The following SLK variants were observed in gnomAD, a reference collection of about 807,000 sequenced individuals.
SLK encodes STE20-like serine/threonine-protein kinase.
SLK carries 67 observed loss-of-function variants against 147.7 expected under a neutral mutation model. That is an observed-to-expected ratio of 0.45 (90% confidence interval 0.37 to 0.56). SLK has a LOEUF of 0.56. Among genes scored for constraint, SLK ranks in the 20% least tolerant of loss-of-function variants. The probability of loss-of-function intolerance (pLI) is 0.00; values close to 1 mark genes in which losing one functional copy is unlikely to be tolerated. For synonymous variants in SLK, 441 were observed against 475.0 expected, an observed-to-expected ratio of 0.93 and a Z score of 0.93; for missense variants, 1,136 against 1,438.8, an observed-to-expected ratio of 0.79 and a Z score of 3.41.
At chr10:103,968,991 G>T (rs1843757231) in intron 1 of SLK, among the ~76,000 whole-genome samples, 1 of 151,152 alleles carries the variant, frequency 6.6e-6, no homozygotes, top group African/African-American at 2.4e-5. Context: ...TTTTTGAGAC[G>T]GAGTTTCGCC....
At chr10:104,019,656 A>C in intron 15 of SLK, 78 bp from the exon 16 acceptor site, 1 of 1,106,532 alleles carries the variant, frequency 9.0e-7, no homozygotes, top group Non-Finnish European at 1.4e-6. Flanking sequence ...CAACAATAAC[A>C]AAATGACATA....
At position 103,992,924 on chromosome 10, in the gene SLK, CCTG is replaced by C; in HGVS notation, c.365-57_365-55del. 15 of 1,247,174 alleles carry C rather than the reference CCTG, an allele frequency of 1.2e-5. No homozygotes were observed. In the South Asian group the frequency reaches 1.8e-4, roughly 15 times the overall value. 77.3% of individuals were successfully genotyped at this position (1,247,174 alleles called of 1,614,324 possible). ...ATGATATATACAGAAAGGTATATAG[CCTG>C]CTAATATGTTTTCACTGTATAAAAA... On this transcript the variant is annotated intron_variant, in intron 3 of 18. Transcript: ENST00000369755.
intron 7 of SLK, among the ~76,000 whole-genome samples, chr10:104,000,393 T>G (rs992429232): frequency 1.3e-5 from 2 of 152,188 alleles, no homozygotes; most frequent in African/African-American, 4.8e-5. Context: ...ATTTTATAGG[T>G]GGGCAAATAA....
chr10:104,023,395 G>T (rs1163708728), intron 18 of SLK, among the ~76,000 whole-genome samples: 4 of 152,296 alleles, frequency 2.6e-5, no homozygotes, highest in African/African-American at 9.6e-5. Flanking sequence ...TGTGTGTTCA[G>T]ATCTCAGTAC....
In SLK at chr10:104,018,817, G is replaced by A. The variant is rs575424335; in HGVS notation, c.3041G>A (p.Arg1014Gln). 1.1e-5 allele frequency: 18 copies of A among 1,612,704 alleles called. No individual in the cohort carries two copies. In the South Asian group the frequency reaches 1.2e-4, roughly 11 times the overall value. The change falls in exon 15 of 19, where the codon CGA (arginine) becomes CAA (glutamine). Residue 1014 changes from arginine to glutamine, a missense_variant. This residue lies in a region of SLK where 327 missense variants were observed against 457.5 expected (regional missense o/e 0.71). Transcript: ENST00000369755. ...REAAIWELEE[R>Q]HLQEKHQLLK... ...GCTGCAATTTGGGAGCTCGAAGAACGACACTTACAAGAAAAACACCAGCTG... is the reference window on the plus strand; with the variant it reads ...GCTGCAATTTGGGAGCTCGAAGAACAACACTTACAAGAAAAACACCAGCTG...
chr10:104,025,056 C>T (rs552867119), intron 18 of SLK, among the ~76,000 whole-genome samples: 1 of 152,264 alleles, frequency 6.6e-6, no homozygotes, highest in East Asian at 1.9e-4. Flanking sequence ...ATTTCTCAAG[C>T]ACTTATTTTT....
At chr10:104,023,483 C>T (rs982406762) in intron 18 of SLK, among the ~76,000 whole-genome samples, 1 of 152,162 alleles carries the variant, frequency 6.6e-6, no homozygotes, top group Admixed American at 6.5e-5. Flanking sequence ...AGTGATACTA[C>T]CTATTTGGTG....
At chr10:104,020,845 G>A (rs920467575) in intron 17 of SLK, among the ~76,000 whole-genome samples, 3 of 152,122 alleles carry the variant, frequency 2.0e-5, no homozygotes, top group African/African-American at 7.2e-5. Flanking sequence ...TGTAACCTAC[G>A]AAATTGAGTC....
intron 11 of SLK, among the ~76,000 whole-genome samples, chr10:104,006,307 T>C (rs527320128): frequency 3.3e-5 from 5 of 152,322 alleles, no homozygotes; most frequent in East Asian, 1.9e-4. Flanking sequence ...TGAAAACTTA[T>C]GAAGCCAGTA....
At chr10:103,990,405 G>A (rs938452218) in intron 1 of SLK, among the ~76,000 whole-genome samples, 3 of 152,066 alleles carry the variant, frequency 2.0e-5, no homozygotes, top group Admixed American at 6.6e-5. Flanking sequence ...TTGATGGGGG[G>A]GTGGTTATGC....
intron 3 of SLK, 92 bp downstream of exon 3, chr10:103,992,738 TAA>T: frequency 8.2e-7 from 1 of 1,219,246 alleles, no homozygotes; most frequent in Non-Finnish European, 1.1e-6. Flanking sequence ...TTCAAATATG[TAA>T]GTATCGAGTA....
chr10:103,985,740 A>G (rs1362115565), intron 1 of SLK, among the ~76,000 whole-genome samples: 1 of 152,212 alleles, frequency 6.6e-6, no homozygotes, highest in Non-Finnish European at 1.5e-5. Flanking sequence ...ATGAAATACT[A>G]TATAATGTTA....
chr10:104,001,698 G>A, intron 8 of SLK, 126 bp downstream of exon 8: 2 of 1,000,342 alleles, frequency 2.0e-6, no homozygotes, highest in South Asian at 3.2e-5. Flanking sequence ...AAGATTAGTA[G>A]CAAGGTTGCT....
chr10:103,999,148 C>T lies in SLK; in HGVS notation c.617C>T (p.Thr206Ile). 6.2e-7 allele frequency: 1 copy of T among 1,609,354 alleles called. No homozygotes were observed. Among genetic ancestry groups the T allele is most frequent in the Non-Finnish European group, 8.5e-7 (1 of 1,178,376 alleles). The change falls in exon 6 of 19, where the codon ACA becomes ATA. Residue 206 changes from threonine to isoleucine, a missense_variant. Coordinates refer to ENST00000369755, the MANE Select transcript of SLK (RefSeq NM_014720.4). ...WMAPEVVMCETSKDRPYDYKA... is the reference protein window; with the variant it reads ...WMAPEVVMCEISKDRPYDYKA... The stretch of plus-strand genomic sequence containing the variant: ...GCTCCTGAAGTAGTCATGTGTGAAA[C>T]ATCTAAGGACAGACCCTATGACTAC...
At chr10:103,992,928 C>A in intron 3 of SLK, 56 bp from the exon 4 acceptor site, 1 of 1,305,260 alleles carries the variant, frequency 7.7e-7, no homozygotes. Flanking sequence ...ATATAGCCTG[C>A]TAATATGTTT....
Position 104,026,267 on chromosome 10 carries a change from T to C in SLK, c.*547T>C, listed in dbSNP as rs563147166. The C allele has an allele frequency of 6.5e-6, 1 of 152,774 alleles. No homozygotes were observed. The highest frequency in any genetic ancestry group is 6.5e-5 in the Admixed American group (1 of 15,300). 9.5% of individuals were successfully genotyped at this position (152,774 alleles called of 1,614,324 possible). ...ACCTCTTTTAAAAGAGAAAAATTAT[T>C]TCAGTGATTTGTCAAAACGAATTAC... On this transcript the variant is annotated 3_prime_UTR_variant, in exon 19 of 19. Coordinates refer to ENST00000369755, the MANE Select transcript of SLK (RefSeq NM_014720.4).
In SLK at chr10:104,027,713, T is replaced by C. The variant is rs1402185554; in HGVS notation, c.*1993T>C. 1.3e-5 allele frequency: 2 copies of C among 152,218 alleles called. No homozygotes were observed. Among genetic ancestry groups the C allele is most frequent in the African/African-American group, 2.4e-5 (1 of 41,446 alleles). The allele number at this position is 152,218 out of a possible 1,614,324, so 9.4% of individuals were successfully genotyped here. ...TACCTCAGGCAGTAGACATTTTTTT[T>C]CTAGTATCATTTAATTGATACCCTG... On this transcript the variant is annotated 3_prime_UTR_variant, in exon 19 of 19. Coordinates refer to ENST00000369755, the MANE Select transcript of SLK (RefSeq NM_014720.4).
In SLK at chr10:104,008,345, C is replaced by T; in HGVS notation, c.2773C>T (p.Arg925Ter). The change falls in exon 12 of 19, where the codon CGA becomes TGA. Residue 925 changes from arginine (R) to a stop codon, truncating the protein, a stop_gained. Transcript: ENST00000369755. LOFTEE classifies it high-confidence loss of function. ...CAAATTTCAGAATATGCTGAAGAAC[C>T]GAAAGAAGGAGGTAAGTGTAAACTA... ...LSKFQNMLKN[R>*]KKEVINEVEK... The T allele has an allele frequency of 1.2e-6, 2 of 1,603,878 alleles. No individual in the cohort carries two copies. Among genetic ancestry groups the T allele is most frequent in the Non-Finnish European group, 1.7e-6 (2 of 1,175,820 alleles).
chr10:103,981,569 A>G (rs1355172506), intron 1 of SLK, among the ~76,000 whole-genome samples: 1 of 152,056 alleles, frequency 6.6e-6, no homozygotes, highest in Non-Finnish European at 1.5e-5. Context: ...ACATGTGGAT[A>G]TTCAGATTTC....
Sources: allele counts gnomAD v4.1 joint callset (sites outside exome capture counted in the v4.1 genomes callset), GRCh38; gene constraint gnomAD v4.1.1; regional missense constraint gnomAD v4.1.1; transcripts MANE v1.5; gene names NCBI Gene and HGNC (gene_info 2026-07-23, HGNC 2026-07-21).